PCDHGB2: variants seen among roughly 807,000 people sequenced by gnomAD.
PCDHGB2 encodes protocadherin gamma subfamily B, 2.
In PCDHGB2, 55 loss-of-function variants were observed where a neutral mutation model predicts 59.3. The observed-to-expected ratio is 0.93, with a 90% CI of 0.75 to 1.16. PCDHGB2 has a LOEUF of 1.16. Ranked by LOEUF, PCDHGB2 falls within the 50% of genes most tolerant of loss-of-function variation. PCDHGB2 has a pLI of 0.00. For synonymous variants in PCDHGB2, 516 were observed against 512.0 expected (o/e 1.01, Z -0.11); for missense variants, 1,228 against 1,198.5 (o/e 1.02, Z -0.36).
At chr5:141,413,625 C>A (rs372855865) in intron 1 of PCDHGB2, 22 of 1,613,734 alleles carry the variant, frequency 1.4e-5, no homozygotes, top group Non-Finnish European at 1.9e-5. Flanking sequence ...ATGAAAATGT[C>A]GCTGCGGGAA....
At chr5:141,428,004 G>C in intron 1 of PCDHGB2, 1 of 1,601,732 alleles carries the variant, frequency 6.2e-7, no homozygotes, top group East Asian at 2.2e-5. Context: ...CGCACTCTTC[G>C]ATATAGTGCC....
chr5:141,425,528 C>T (rs2096881702), intron 1 of PCDHGB2, among the ~76,000 whole-genome samples: 1 of 152,200 alleles, frequency 6.6e-6, no homozygotes, highest in African/African-American at 2.4e-5. Context: ...AAACATGAAA[C>T]AATAATCCTT....
chr5:141,424,690 TA>T (rs796070231), intron 1 of PCDHGB2: 89 of 152,358 alleles, frequency 5.8e-4, no homozygotes, highest in African/African-American at 1.9e-3. Context: ...TCCTTCTGGC[TA>T]TTTTTTTGTT....
At chr5:141,460,780 A>G (rs1387522399) in intron 1 of PCDHGB2, among the ~76,000 whole-genome samples, 3 of 152,042 alleles carry the variant, frequency 2.0e-5, no homozygotes, top group Non-Finnish European at 4.4e-5. Context: ...GTATGTATAC[A>G]TATATACACA....
intron 1 of PCDHGB2, chr5:141,409,291 A>G: frequency 6.2e-7 from 1 of 1,614,000 alleles, no homozygotes; most frequent in Non-Finnish European, 8.5e-7. Context: ...CACCTCCAGG[A>G]ATGGTTGTTG....
chr5:141,433,802 A>G (rs2097651656), intron 1 of PCDHGB2, among the ~76,000 whole-genome samples: 1 of 149,280 alleles, frequency 6.7e-6, no homozygotes, highest in Non-Finnish European at 1.5e-5. Flanking sequence ...GTGCCATTGC[A>G]CTCCAGCCTG....
At chr5:141,444,358 A>T (rs2098433774) in intron 1 of PCDHGB2, among the ~76,000 whole-genome samples, 1 of 151,436 alleles carries the variant, frequency 6.6e-6, no homozygotes, top group Non-Finnish European at 1.5e-5. Context: ...TTTAGTAGAG[A>T]CGGGGTTTCT....
intron 1 of PCDHGB2, chr5:141,364,345 T>G (rs1763271329): frequency 6.5e-7 from 1 of 1,542,970 alleles, no homozygotes; most frequent in African/African-American, 1.4e-5. Flanking sequence ...CGAGTCCACC[T>G]AGGGGCTGGG....
intron 1 of PCDHGB2, chr5:141,428,189 CTCTCTGCGCCGCTACGCTTCACCTAG>C: frequency 7.0e-7 from 1 of 1,429,262 alleles, no homozygotes; most frequent in Non-Finnish European, 9.7e-7. Flanking sequence ...ACAGCCGCCG[CTCTCTGCGCCGCTACGCTTCACCTAG>C]TCTTCGCAGA....
chr5:141,400,402 G>T (rs574141234), intron 1 of PCDHGB2: 2 of 1,614,056 alleles, frequency 1.2e-6, no homozygotes, highest in South Asian at 2.2e-5. Context: ...AGGAAAGACG[G>T]AGTTTAATTT....
In PCDHGB2 at chr5:141,476,714, C is replaced by G. The variant is rs146188020; in HGVS notation, c.2422-18093C>G. 3.1e-6 allele frequency: 5 copies of G among 1,614,036 alleles called. No individual in the cohort carries two copies. Among genetic ancestry groups the G allele is most frequent in the African/African-American group, 2.7e-5 (2 of 74,938 alleles). ...CAAGTACGCGGAGCTGGTGTTGGAGCGCGCCCTGGACCGAGAACGGGAGCC... is the reference window on the plus strand; with the variant it reads ...CAAGTACGCGGAGCTGGTGTTGGAGGGCGCCCTGGACCGAGAACGGGAGCC... On this transcript the variant is annotated intron_variant, in intron 1 of 3. Transcript: ENST00000522605. This position sits in a 1 kb window ranked among gnomAD's most constrained non-coding sequence, Gnocchi z 7.6.
chr5:141,508,979 G>C (rs1317798009), intron 3 of PCDHGB2, among the ~76,000 whole-genome samples: 1 of 152,110 alleles, frequency 6.6e-6, no homozygotes, highest in Admixed American at 6.5e-5. Context: ...GCTGGGGGTG[G>C]GGGCCAGCTG....
chr5:141,453,341 C>T (rs1327119655), intron 1 of PCDHGB2, among the ~76,000 whole-genome samples: 2 of 151,822 alleles, frequency 1.3e-5, no homozygotes, highest in East Asian at 3.9e-4. Context: ...CTATGTTTCC[C>T]CAGGCTGACC....
At chr5:141,405,422 GTT>G in intron 1 of PCDHGB2, 2 of 1,509,830 alleles carry the variant, frequency 1.3e-6, no homozygotes, top group Non-Finnish European at 1.8e-6. Context: ...TTTGTTTTTT[GTT>G]TTGTTTTGTT....
At chr5:141,403,773 A>G (rs1286965459) in intron 1 of PCDHGB2, 5 of 1,613,956 alleles carry the variant, frequency 3.1e-6, no homozygotes, top group Non-Finnish European at 4.2e-6. Flanking sequence ...GAGGGAATCA[A>G]CGGAAAAGTG....
intron 1 of PCDHGB2, chr5:141,365,783 G>A: frequency 6.2e-7 from 1 of 1,613,842 alleles, no homozygotes; most frequent in Non-Finnish European, 8.5e-7. Flanking sequence ...CGGCGACAAC[G>A]CTCGAGTCAC....
At chr5:141,478,236 TCA>T in intron 1 of PCDHGB2, 3 of 1,614,156 alleles carry the variant, frequency 1.9e-6, no homozygotes, top group Non-Finnish European at 2.5e-6. Flanking sequence ...GGGTTTGTGG[TCA>T]CAGTGTTCGG....
At position 141,455,034 on chromosome 5, in the gene PCDHGB2, G is replaced by T. The variant is rs112590950; in HGVS notation, c.2422-39773G>T. 8.3e-3 allele frequency among the ~76,000 whole-genome samples: 1,254 copies of T among 150,894 alleles called. 18 individuals are homozygous for T. Among genetic ancestry groups the T allele is most frequent in the African/African-American group, 0.029 (1,191 of 41,122 alleles). ...TCACCGTGTTAGCCAGGATGGTCTC[G>T]ATCTCCTGACCTCGTGATCCGCCCG... On this transcript the variant is annotated intron_variant, in intron 1 of 3. Coordinates refer to ENST00000522605, the MANE Select transcript of PCDHGB2 (RefSeq NM_018923.3).
At position 141,362,331 on chromosome 5, in the gene PCDHGB2, C is replaced by A; in HGVS notation, c.2196C>A (p.Ser732Arg). The change falls in exon 1 of 4, where the codon AGC becomes AGA. Residue 732 changes from serine (S) to arginine (R), a missense_variant. Physicochemically the swap from Ser to Arg is moderately radical, Grantham distance 110 (BLOSUM62 -1). Coordinates refer to ENST00000522605, the MANE Select transcript of PCDHGB2 (RefSeq NM_018923.3). ...DAWDCFQPGL[S>R]SKPGPGVLPN... ...GGGACTGTTTTCAGCCTGGTCTCAG[C>A]TCCAAGCCTGGACCTGGGGTTCTCC... 1 of 1,614,076 alleles carries A rather than the reference C, an allele frequency of 6.2e-7. No homozygotes were observed.
Sources: gnomAD v4.1 joint callset for allele counts (sites outside exome capture counted in the v4.1 genomes callset) on GRCh38, gnomAD v4.1.1 for gene constraint, Gnocchi (gnomAD v3.1) non-coding constraint, MANE v1.5 for transcripts, NCBI Gene and HGNC (gene_info 2026-07-23, HGNC 2026-07-21) for gene names.